The following DMD variants were observed in gnomAD, a reference collection of about 807,000 sequenced individuals.
The protein encoded by DMD is dystrophin.
A neutral mutation model predicts 330.1 loss-of-function variants in DMD; 63 were observed. The ratio of observed to expected loss-of-function variants is 0.19; its 90% CI spans 0.16 to 0.24. The LOEUF (loss-of-function observed/expected upper bound fraction) is 0.24, where lower values mean the gene tolerates loss of function less well. DMD is among the 10% of genes least tolerant of loss of function. The probability of loss-of-function intolerance (pLI) is 1.00; values close to 1 mark genes in which losing one functional copy is unlikely to be tolerated. For synonymous variants in DMD, 1,223 were observed against 959.8 expected (o/e 1.27, Z -5.07); for missense variants, 3,344 against 2,684.1 (o/e 1.25, Z -5.43).
intron 11 of DMD, among the ~76,000 whole-genome samples, chrX:32,634,426 G>A (rs2058949466): frequency 8.9e-6 from 1 of 112,090 alleles, no homozygotes; most frequent in East Asian, 2.8e-4. Context: ...AGCCACCACA[G>A]CTGGGAATGT....
intron 60 of DMD, among the ~76,000 whole-genome samples, chrX:31,425,563 T>C (rs1197952394): frequency 9.0e-6 from 1 of 111,643 alleles, no homozygotes; most frequent in Non-Finnish European, 1.9e-5. Context: ...CACAGTAAGC[T>C]TGTTTCTCAT....
intron 34 of DMD, among the ~76,000 whole-genome samples, chrX:32,375,549 T>C (rs1027089999): frequency 1.8e-5 from 2 of 112,164 alleles, no homozygotes; most frequent in African/African-American, 6.5e-5. Context: ...ACACAGAAAG[T>C]ATACCAAATG....
intron 44 of DMD, among the ~76,000 whole-genome samples, chrX:31,980,615 A>G (rs146890759): frequency 0.032 from 3,610 of 111,504 alleles, 64 homozygotes; most frequent in Non-Finnish European, 0.054. Context: ...CCACTTCACA[A>G]AAGTTAACAG....
At position 32,487,521 on chromosome X, in the gene DMD, CA is replaced by C. The variant is rs1230858064; in HGVS notation, c.2623-2423del. Among the ~76,000 whole-genome samples the C allele has an allele frequency of 1.6e-4, 17 of 107,855 alleles. No homozygotes were observed. The East Asian group carries it at 3.8e-3, about 24-fold the overall frequency. The allele number at this position is 107,855 out of a possible 115,157, so 93.7% of individuals were successfully genotyped here. A position where few individuals can be genotyped will look rare whatever the true frequency, so the allele number is the denominator to read the frequency against. Reference sequence around the variant, plus strand: ...CTTCCTGAAAATCAAAGTGAAAAGGCAAAAAAAAAGTTAATATTTATGGAGG... The same window carrying C: ...CTTCCTGAAAATCAAAGTGAAAAGGCAAAAAAAAGTTAATATTTATGGAGG... On this transcript the variant is annotated intron_variant, in intron 20 of 78. Coordinates refer to ENST00000357033, the MANE Select transcript of DMD (RefSeq NM_004006.3).
At chrX:32,194,402 G>A (rs749876031) in intron 44 of DMD, among the ~76,000 whole-genome samples, 1 of 111,968 alleles carries the variant, frequency 8.9e-6, no homozygotes, top group African/African-American at 3.2e-5. Context: ...TTCTATTACC[G>A]TAATTGAGTT....
intron 33 of DMD, 45 bp from the exon 34 acceptor site, chrX:32,380,725 T>C (rs768294480): frequency 9.0e-7 from 1 of 1,116,426 alleles, no homozygotes; most frequent in Non-Finnish European, 1.2e-6. Flanking sequence ...ACTCTTTAAT[T>C]CAAATTTCGT....
At chrX:31,652,917 A>C (rs191597808) in intron 54 of DMD, among the ~76,000 whole-genome samples, 1 of 111,223 alleles carries the variant, frequency 9.0e-6, no homozygotes, top group African/African-American at 3.3e-5. Flanking sequence ...AAAATGATAT[A>C]CTAAAAAAGT....
intron 7 of DMD, among the ~76,000 whole-genome samples, chrX:32,765,651 CGTA>C (rs761735394): frequency 8.1e-5 from 9 of 111,128 alleles, no homozygotes; most frequent in Non-Finnish European, 1.7e-4. Flanking sequence ...TCTCCCATTC[CGTA>C]AGTTGCCTTT....
At chrX:31,147,182 T>C (rs1236921939) in intron 75 of DMD, 93 bp downstream of exon 75, 3 of 1,129,687 alleles carry the variant, frequency 2.7e-6, no homozygotes, top group East Asian at 6.0e-5. Context: ...TAAGAATTGA[T>C]GCTTGTTGCA....
At chrX:32,710,671 T>C (rs757710116) in intron 7 of DMD, among the ~76,000 whole-genome samples, 1 of 110,877 alleles carries the variant, frequency 9.0e-6, no homozygotes, top group Non-Finnish European at 1.9e-5. Context: ...TTGACTGATA[T>C]CTACAGAAAA....
chrX:32,613,983 G>T lies in DMD; in HGVS notation c.1482+320C>A, dbSNP rs187061252. On this transcript the variant is annotated intron_variant, in intron 12 of 78. Transcript: ENST00000357033. ...AGTTTTCACATGGTGGTGCATGGTG[G>T]AGGGTCAAGAGATAGGAGAACACTG... Among the ~76,000 whole-genome samples, 72 of 110,141 alleles carry T rather than the reference G, an allele frequency of 6.5e-4. 1 individual carries two copies. Among genetic ancestry groups the T allele is most frequent in the Non-Finnish European group, 1.9e-4 (10 of 52,574 alleles).
chrX:33,101,535 G>A (rs1005359311), intron 1 of DMD, among the ~76,000 whole-genome samples: 2 of 111,983 alleles, frequency 1.8e-5, no homozygotes, highest in Admixed American at 9.5e-5. Flanking sequence ...GGAAGCTAAG[G>A]CAGGAGAATC....
intron 44 of DMD, among the ~76,000 whole-genome samples, chrX:32,167,413 A>C (rs2096872211): frequency 8.9e-6 from 1 of 111,877 alleles, no homozygotes; most frequent in African/African-American, 3.3e-5. Context: ...ATGTTGGTCC[A>C]GTTTCTTAAC....
intron 2 of DMD, among the ~76,000 whole-genome samples, chrX:32,893,581 G>C (rs1227533158): frequency 8.9e-6 from 1 of 111,856 alleles, no homozygotes; most frequent in African/African-American, 3.2e-5. Context: ...GATTAAATTT[G>C]CTGTGATAAA....
At chrX:32,336,041 CGT>C (rs2097712425) in intron 41 of DMD, among the ~76,000 whole-genome samples, 1 of 99,441 alleles carries the variant, frequency 1.0e-5, no homozygotes, top group Admixed American at 1.1e-4. Context: ...TTATATATAA[CGT>C]GTATATATAA....
intron 44 of DMD, among the ~76,000 whole-genome samples, chrX:32,094,565 T>A (rs2096494090): frequency 9.0e-6 from 1 of 111,160 alleles, no homozygotes; most frequent in South Asian, 3.7e-4. Context: ...TTATTTTAGA[T>A]ACACATCTCT....
At chrX:31,926,398 C>T (rs552024487) in intron 47 of DMD, among the ~76,000 whole-genome samples, 46 of 111,465 alleles carry the variant, frequency 4.1e-4, no homozygotes, top group African/African-American at 1.3e-3. Context: ...ATGTACAGGC[C>T]GGGCGCGGTG....
intron 2 of DMD, among the ~76,000 whole-genome samples, chrX:33,010,052 A>ATGTGTG (rs2093646971): frequency 1.2e-5 from 1 of 85,325 alleles, no homozygotes; most frequent in Admixed American, 1.4e-4. Flanking sequence ...ACATGTGTAT[A>ATGTGTG]TATACGTGTA....
rs144439608 is a variant in DMD at position 31,404,870 on chromosome X, A to G, written c.9084+39611T>C. ...ATGCTTTCAAATTGCCATTTATGCA[A>G]TTGATGCATGGAATAGGTATTTGTC... is the stretch of plus-strand genomic sequence containing the variant. On this transcript the variant is annotated intron_variant, in intron 60 of 78. Coordinates refer to ENST00000357033, the MANE Select transcript of DMD (RefSeq NM_004006.3). Among the ~76,000 whole-genome samples the G allele has an allele frequency of 3.2e-4, 36 of 112,484 alleles. No homozygotes were observed. The East Asian group carries it at 8.1e-3, about 25-fold the overall frequency.
Sources: allele counts gnomAD v4.1 joint callset (sites outside exome capture counted in the v4.1 genomes callset), GRCh38; gene constraint gnomAD v4.1.1; transcripts MANE v1.5; gene names NCBI Gene and HGNC (gene_info 2026-07-23, HGNC 2026-07-21).